Variants in LRRC8C observed in about 807,000 individuals in gnomAD.
LRRC8C encodes the protein volume-regulated anion channel subunit LRRC8C.
In LRRC8C, 20 loss-of-function variants were observed where a neutral mutation model predicts 55.3. That is an observed-to-expected ratio of 0.36 (90% CI 0.25 to 0.53). The LOEUF is 0.53. LRRC8C is among the 20% of genes least tolerant of loss of function. LRRC8C has a pLI of 0.92. For synonymous variants in LRRC8C, 376 were observed against 360.7 expected (o/e 1.04, Z -0.48); for missense variants, 659 against 951.4 (o/e 0.69, Z 4.04).
intron 1 of LRRC8C, among the ~76,000 whole-genome samples, chr1:89,659,048 G>T (rs1298083473): frequency 4.2e-4 from 11 of 26,222 alleles, no homozygotes; most frequent in African/African-American, 1.1e-3. Context: ...TCTTCTCCAG[G>T]TTTTTTTTTT....
chr1:89,669,390 C>G (rs1399626403), intron 1 of LRRC8C, among the ~76,000 whole-genome samples: 1 of 152,108 alleles, frequency 6.6e-6, no homozygotes, highest in Non-Finnish European at 1.5e-5. Context: ...GTTACCCAAA[C>G]TGTATGGTAT....
the LRRC8C span, among the ~76,000 whole-genome samples, chr1:89,616,367 G>A: frequency 2.6e-5 from 4 of 152,180 alleles, no homozygotes; most frequent in South Asian, 4.1e-4. Context: ...ATTCAGGGGC[G>A]TGGGAACAGC....
chr1:89,705,292 A>AGG (rs1175065254), intron 2 of LRRC8C, among the ~76,000 whole-genome samples: 1 of 84,444 alleles, frequency 1.2e-5, no homozygotes, highest in African/African-American at 4.8e-5. Flanking sequence ...GGGAGGGGGG[A>AGG]GGGATAGCAT....
At chr1:89,666,151 T>C (rs1657255462) in intron 1 of LRRC8C, among the ~76,000 whole-genome samples, 1 of 152,164 alleles carries the variant, frequency 6.6e-6, no homozygotes. Context: ...TATGACTGCA[T>C]TTTGACCCAA....
rs1158331554 is a variant in LRRC8C at position 89,715,062 on chromosome 1, C to T, written c.*80C>T. 1 of 948,366 alleles carries T rather than the reference C, an allele frequency of 1.1e-6. No homozygotes were observed. The highest frequency in any genetic ancestry group is 1.5e-6 in the Non-Finnish European group (1 of 672,342). 58.7% of individuals were successfully genotyped at this position (948,366 alleles called of 1,614,324 possible). On this transcript the variant is annotated 3_prime_UTR_variant, in exon 3 of 3. Transcript: ENST00000370454. ...TAATTAGGTAGTCTTAATGCCTTTC[C>T]TATTTTTTTTTCCTTTTCACACAAA...
At chr1:89,675,719 G>A (rs1209104073) in intron 1 of LRRC8C, among the ~76,000 whole-genome samples, 1 of 152,206 alleles carries the variant, frequency 6.6e-6, no homozygotes, top group Non-Finnish European at 1.5e-5. Flanking sequence ...GAAACACACA[G>A]CCTTTTCAAG....
intron 2 of LRRC8C, among the ~76,000 whole-genome samples, chr1:89,691,428 CCA>C (rs1658025976): frequency 6.6e-6 from 1 of 152,094 alleles, no homozygotes; most frequent in South Asian, 2.1e-4. Flanking sequence ...ACCGGAGGGC[CCA>C]GATGGCATTT....
intron 1 of LRRC8C, among the ~76,000 whole-genome samples, chr1:89,634,576 G>C (rs1656226241): frequency 6.6e-6 from 1 of 152,192 alleles, no homozygotes; most frequent in South Asian, 2.1e-4. Flanking sequence ...TAAAAGTGGA[G>C]TAGTCCTCTT....
rs1274860005 is a variant in LRRC8C, at chr1:89,706,404, G to C, written c.139-6305G>C. On this transcript the variant is annotated intron_variant, in intron 2 of 2. Transcript: ENST00000370454. ...CCTTTTCAACTAGTTATCACAGGTG[G>C]GTTCTGCTTTTTCACTTCCATACTT... The C allele has an allele frequency of 1.6e-5, 7 of 450,428 alleles. No homozygotes were observed. The Admixed American group carries it at 1.7e-4, about 11-fold the overall frequency. 27.9% of individuals were successfully genotyped at this position (450,428 alleles called of 1,614,324 possible). A position where few individuals can be genotyped will look rare whatever the true frequency, so the allele number is the denominator to read the frequency against.
chr1:89,647,261 G>A (rs982303950), intron 1 of LRRC8C, among the ~76,000 whole-genome samples: 1 of 152,154 alleles, frequency 6.6e-6, no homozygotes, highest in African/African-American at 2.4e-5. Flanking sequence ...ATCAAACATG[G>A]ATTGGGTTAT....
At chr1:89,662,175 A>G (rs1432100390) in intron 1 of LRRC8C, among the ~76,000 whole-genome samples, 2 of 152,224 alleles carry the variant, frequency 1.3e-5, no homozygotes, top group Non-Finnish European at 2.9e-5. Flanking sequence ...ACAAAATCTC[A>G]TAATGTTTTA....
intron 1 of LRRC8C, chr1:89,661,098 A>G (rs1657108015): frequency 5.8e-6 from 1 of 172,180 alleles, no homozygotes; most frequent in Non-Finnish European, 1.2e-5. Context: ...AATAGATTAC[A>G]TCAACATGAT....
intron 1 of LRRC8C, among the ~76,000 whole-genome samples, chr1:89,686,034 C>T (rs1004457476): frequency 6.9e-6 from 1 of 144,228 alleles, no homozygotes; most frequent in African/African-American, 2.6e-5. Context: ...TAAAATTACA[C>T]TTAAAAATGG....
At chr1:89,685,170 C>G (rs1657835495) in intron 1 of LRRC8C, among the ~76,000 whole-genome samples, 2 of 132,320 alleles carry the variant, frequency 1.5e-5, no homozygotes, top group Admixed American at 1.8e-4. Context: ...GGACTGCGGA[C>G]TGCAGTGGCG....
At chr1:89,621,288 G>A in the LRRC8C span, among the ~76,000 whole-genome samples, 61 of 126,534 alleles carry the variant, frequency 4.8e-4, no homozygotes, top group Non-Finnish European at 1.6e-4. Context: ...GTGAAACCCC[G>A]TCTCTACTAA....
chr1:89,706,288 C>A, intron 2 of LRRC8C: 1 of 456,042 alleles, frequency 2.2e-6, no homozygotes, highest in Non-Finnish European at 4.4e-6. Flanking sequence ...TTTATATGTT[C>A]TTTGTTATTT....
chr1:89,619,500 A>G, the LRRC8C span, among the ~76,000 whole-genome samples: 4 of 150,002 alleles, frequency 2.7e-5, no homozygotes, highest in Non-Finnish European at 5.9e-5. Flanking sequence ...AATTATATGT[A>G]TATTATATGT....
chr1:89,684,624 G>A (rs185881840), intron 1 of LRRC8C, among the ~76,000 whole-genome samples: 34 of 152,098 alleles, frequency 2.2e-4, no homozygotes, highest in Non-Finnish European at 1.2e-4. Flanking sequence ...TGGGGCAGTG[G>A]GACTGTAATA....
chr1:89,667,907 A>G (rs1354911580), intron 1 of LRRC8C, among the ~76,000 whole-genome samples: 1 of 152,174 alleles, frequency 6.6e-6, no homozygotes, highest in Non-Finnish European at 1.5e-5. Context: ...TGGAGAAGCC[A>G]GAAGTGCAAA....
Sources: allele counts gnomAD v4.1 joint callset (sites outside exome capture counted in the v4.1 genomes callset), GRCh38; gene constraint gnomAD v4.1.1; transcripts MANE v1.5; gene names NCBI Gene and HGNC (gene_info 2026-07-23, HGNC 2026-07-21).